Variants in LRCH1 observed in about 807,000 individuals in gnomAD.
The protein encoded by LRCH1 is leucine rich repeats and calponin homology domain containing 1, also known as leucine-rich repeat and calponin homology domain-containing protein 1.
Under a neutral mutation model 94.9 loss-of-function variants are expected in LRCH1, and 23 were observed. The ratio of observed to expected loss-of-function variants is 0.24; its 90% CI spans 0.17 to 0.34. The LOEUF (loss-of-function observed/expected upper bound fraction) is 0.34, where lower values mean the gene tolerates loss of function less well. Ranked by LOEUF, LRCH1 falls within the 10% of genes least tolerant of loss-of-function variation. The pLI is 1.00. For synonymous variants in LRCH1, 364 were observed against 354.9 expected (o/e 1.03, Z -0.29); for missense variants, 790 against 945.9 (o/e 0.84, Z 2.16).
At chr13:46,695,301 G>A (rs1414986539) in intron 9 of LRCH1, among the ~76,000 whole-genome samples, 3 of 152,166 alleles carry the variant, frequency 2.0e-5, no homozygotes, top group Non-Finnish European at 2.9e-5. Flanking sequence ...CCATTGCCAC[G>A]CAGTAAAAGC....
At chr13:46,659,342 G>A (rs1289330002) in intron 2 of LRCH1, among the ~76,000 whole-genome samples, 3 of 151,930 alleles carry the variant, frequency 2.0e-5, no homozygotes, top group Non-Finnish European at 4.4e-5. Context: ...ACAGGCTCCC[G>A]CCACCATGCC....
At chr13:46,573,312 A>C (rs911250662) in intron 1 of LRCH1, among the ~76,000 whole-genome samples, 3 of 152,186 alleles carry the variant, frequency 2.0e-5, no homozygotes, top group Non-Finnish European at 4.4e-5. Flanking sequence ...AATGGAATGC[A>C]TGAAGGCTGG....
chr13:46,749,902 C>T (rs1005258695), intron 18 of LRCH1, among the ~76,000 whole-genome samples: 14 of 152,152 alleles, frequency 9.2e-5, no homozygotes, highest in African/African-American at 3.4e-4. Flanking sequence ...TGGACATTTC[C>T]CAAGAGCAAA....
chr13:46,693,577 C>T (rs1871023709), intron 8 of LRCH1, among the ~76,000 whole-genome samples: 1 of 152,138 alleles, frequency 6.6e-6, no homozygotes, highest in South Asian at 2.1e-4. Context: ...GACCTTGATT[C>T]CCTCACCTGT....
chr13:46,695,101 C>A, intron 9 of LRCH1, 84 bp downstream of exon 9: 2 of 1,508,588 alleles, frequency 1.3e-6, no homozygotes, highest in South Asian at 1.2e-5. Flanking sequence ...GTTGCCAATC[C>A]ATCCCCTTCA....
At chr13:46,649,634 T>TATGGGTTTA (rs1474448024) in intron 1 of LRCH1, among the ~76,000 whole-genome samples, 1 of 152,064 alleles carries the variant, frequency 6.6e-6, no homozygotes, top group Non-Finnish European at 1.5e-5. Flanking sequence ...TATTGTCTGT[T>TATGGGTTTA]ATGGGTTCAT....
At chr13:46,553,902 C>G (rs1333872603) in intron 1 of LRCH1, among the ~76,000 whole-genome samples, 199 bp downstream of exon 1, 1 of 152,192 alleles carries the variant, frequency 6.6e-6, no homozygotes, top group African/African-American at 2.4e-5. Flanking sequence ...CCTGCCTGGT[C>G]CGGCGATGCA....
chr13:46,620,052 G>A (rs1178178021), intron 1 of LRCH1, among the ~76,000 whole-genome samples: 3 of 152,150 alleles, frequency 2.0e-5, no homozygotes, highest in Non-Finnish European at 4.4e-5. Context: ...ATTCGTATTT[G>A]ATTGTTAAAA....
chr13:46,737,635 A>C (rs567772933), intron 19 of LRCH1, among the ~76,000 whole-genome samples: 2 of 152,122 alleles, frequency 1.3e-5, no homozygotes, highest in South Asian at 2.1e-4. Context: ...TGGGCTTCCA[A>C]ATTCTTTGGG....
At chr13:46,721,333 C>G (rs1002473930) in intron 16 of LRCH1, among the ~76,000 whole-genome samples, 1 of 152,178 alleles carries the variant, frequency 6.6e-6, no homozygotes, top group Non-Finnish European at 1.5e-5. Flanking sequence ...GGTGTTGAGG[C>G]GCCCCTTGCT....
intron 8 of LRCH1, among the ~76,000 whole-genome samples, chr13:46,693,353 C>A (rs116983904): frequency 6.6e-6 from 1 of 152,140 alleles, no homozygotes; most frequent in Non-Finnish European, 1.5e-5. Flanking sequence ...ATCTTTAACA[C>A]AGGCCTTCCA....
intron 7 of LRCH1, among the ~76,000 whole-genome samples, chr13:46,689,620 A>C (rs561121743): frequency 6.6e-6 from 1 of 152,176 alleles, no homozygotes; most frequent in Admixed American, 6.5e-5. Flanking sequence ...AATCAACTGT[A>C]CATTTTATTT....
At chr13:46,601,270 T>C (rs1431891376) in intron 1 of LRCH1, among the ~76,000 whole-genome samples, 1 of 152,140 alleles carries the variant, frequency 6.6e-6, no homozygotes, top group African/African-American at 2.4e-5. Context: ...GTCCCTCTTC[T>C]CCTCCCTACA....
intron 2 of LRCH1, among the ~76,000 whole-genome samples, chr13:46,655,114 A>C (rs1480689751): frequency 1.3e-5 from 2 of 152,176 alleles, no homozygotes; most frequent in East Asian, 3.8e-4. Context: ...ACAGCCATAA[A>C]TATTTGATAG....
At chr13:46,691,966 G>A (rs752393298) in intron 7 of LRCH1, among the ~76,000 whole-genome samples, 19 of 152,156 alleles carry the variant, frequency 1.2e-4, no homozygotes, top group Non-Finnish European at 2.6e-4. Flanking sequence ...GGGATTACAG[G>A]TGTGAGCCAC....
chr13:46,592,803 T>C (rs1029876739), intron 1 of LRCH1, among the ~76,000 whole-genome samples: 2 of 152,196 alleles, frequency 1.3e-5, no homozygotes, highest in Non-Finnish European at 2.9e-5. Flanking sequence ...CCTTAGTTTG[T>C]TGTGTGATCT....
At chr13:46,726,902 A>C (rs1207222042) in intron 17 of LRCH1, among the ~76,000 whole-genome samples, 3 of 149,600 alleles carry the variant, frequency 2.0e-5, no homozygotes, top group African/African-American at 7.3e-5. Flanking sequence ...TAAAACAGAG[A>C]TTTAAATAGG....
chr13:46,656,944 A>G (rs1593329163), intron 2 of LRCH1, among the ~76,000 whole-genome samples: 1 of 152,190 alleles, frequency 6.6e-6, no homozygotes. Context: ...CCATTATTAC[A>G]TATCACCTGA....
chr13:46,700,543 C>T (rs183171255), intron 10 of LRCH1, among the ~76,000 whole-genome samples: 6 of 152,322 alleles, frequency 3.9e-5, no homozygotes, highest in Admixed American at 3.9e-4. Flanking sequence ...CTAGTGCTTT[C>T]AACCCTGGCT....
Sources: allele counts gnomAD v4.1 joint callset (sites outside exome capture counted in the v4.1 genomes callset), GRCh38; gene constraint gnomAD v4.1.1; transcripts MANE v1.5; gene names NCBI Gene and HGNC (gene_info 2026-07-23, HGNC 2026-07-21).